The following MCCC1 variants were observed in gnomAD, a reference collection of about 807,000 sequenced individuals.
The protein encoded by MCCC1 is methylcrotonyl-CoA carboxylase subunit 1.
In MCCC1, 64 loss-of-function variants were observed where a neutral mutation model predicts 83.8. The ratio of observed to expected loss-of-function variants is 0.76; its 90% confidence interval spans 0.62 to 0.94. The LOEUF (loss-of-function observed/expected upper bound fraction) is 0.94. Among genes scored for constraint, MCCC1 ranks in the 40% least tolerant of loss-of-function variants. The pLI is 0.00. For synonymous variants in MCCC1, 322 were observed against 315.4 expected, an observed-to-expected ratio of 1.02 and a Z score of -0.22; for missense variants, 807 against 904.7, an observed-to-expected ratio of 0.89 and a Z score of 1.39.
chr3:183,114,144 A>C (rs994431883), intron 1 of MCCC1, among the ~76,000 whole-genome samples: 9 of 152,146 alleles, frequency 5.9e-5, no homozygotes, highest in African/African-American at 1.4e-4. Context: ...AGTGCCCAAG[A>C]ATTCGTCTGA....
chr3:183,025,953 T>C, intron 14 of MCCC1, 149 bp from the exon 15 acceptor site: 1 of 699,166 alleles, frequency 1.4e-6, no homozygotes, highest in South Asian at 1.8e-5. Context: ...AATAAAGTAT[T>C]TTGTTAGAAA....
intron 10 of MCCC1, among the ~76,000 whole-genome samples, chr3:183,042,710 T>C (rs1220989564): frequency 1.3e-5 from 2 of 152,212 alleles, no homozygotes; most frequent in Non-Finnish European, 1.5e-5. Context: ...TGCAGACAGA[T>C]TGCCTAGGTT....
At chr3:183,112,295 G>A (rs976053392) in intron 1 of MCCC1, among the ~76,000 whole-genome samples, 1 of 152,130 alleles carries the variant, frequency 6.6e-6, no homozygotes, top group Non-Finnish European at 1.5e-5. Context: ...ACATAACAAG[G>A]ACAGAAGGTA....
chr3:183,109,371 A>T (rs765525156), intron 1 of MCCC1, among the ~76,000 whole-genome samples: 13 of 152,176 alleles, frequency 8.5e-5, no homozygotes, highest in Non-Finnish European at 1.6e-4. Flanking sequence ...TGGTGAGCAT[A>T]GTACCTGATA....
intron 14 of MCCC1, among the ~76,000 whole-genome samples, chr3:183,030,305 G>A (rs1284919879): frequency 2.0e-5 from 3 of 152,122 alleles, no homozygotes; most frequent in African/African-American, 7.2e-5. Context: ...GAGAGACTCC[G>A]TCTCAAAACA....
rs888177293 is a variant in MCCC1 at position 183,088,204 on chromosome 3, T to TTGTTGTTGTTG, written c.274-1417_274-1416insCAACAACAACA. On this transcript the variant is annotated intron_variant, in intron 3 of 18. Transcript: ENST00000265594. ...AAATGTTTTGTTGTTGTTGTTGTTG[T>TTGTTGTTGTTG]TGTGTGTTTTTTTTTTTTTTTGAGG... 3.6e-3 allele frequency among the ~76,000 whole-genome samples: 532 copies of TTGTTGTTGTTG among 149,140 alleles called. 5 individuals carry two copies. The highest frequency in any genetic ancestry group is 0.012 in the African/African-American group (512 of 41,082).
At chr3:183,042,447 CTTTACTCT>C in intron 10 of MCCC1, among the ~76,000 whole-genome samples, 1 of 152,154 alleles carries the variant, frequency 6.6e-6, no homozygotes, top group Non-Finnish European at 1.5e-5. Context: ...CACTTTCTCT[CTTTACTCT>C]TAAGTTTTTT....
chr3:183,082,505 A>C (rs1259556134), intron 4 of MCCC1, among the ~76,000 whole-genome samples: 1 of 152,218 alleles, frequency 6.6e-6, no homozygotes, highest in Non-Finnish European at 1.5e-5. Flanking sequence ...GCCAGTGCTC[A>C]ACTCAAGAAT....
At chr3:183,108,508 A>G (rs570681117) in intron 1 of MCCC1, among the ~76,000 whole-genome samples, 4 of 152,172 alleles carry the variant, frequency 2.6e-5, no homozygotes, top group Non-Finnish European at 5.9e-5. Context: ...TCCGAGAGGT[A>G]GAATTGTGTT....
chr3:183,103,734 C>T (rs568316765), upstream of MCCC1, among the ~76,000 whole-genome samples: 30 of 152,348 alleles, frequency 2.0e-4, no homozygotes, highest in Admixed American at 9.1e-4. Flanking sequence ...GCCAGTCCCG[C>T]GCCGTGCGCC....
intron 3 of MCCC1, among the ~76,000 whole-genome samples, chr3:183,088,104 C>G (rs1718037186): frequency 6.6e-6 from 1 of 151,668 alleles, no homozygotes; most frequent in Non-Finnish European, 1.5e-5. Flanking sequence ...AAGCTGGGCA[C>G]AGATTTCAAA....
chr3:183,019,491 G>T (rs1212062334), intron 17 of MCCC1, among the ~76,000 whole-genome samples: 1 of 152,138 alleles, frequency 6.6e-6, no homozygotes, highest in Non-Finnish European at 1.5e-5. Flanking sequence ...AGGACACAGA[G>T]AAAAAATGGC....
intron 1 of MCCC1, among the ~76,000 whole-genome samples, chr3:183,113,121 G>A (rs1426793338): frequency 6.6e-6 from 1 of 151,494 alleles, no homozygotes; most frequent in Non-Finnish European, 1.5e-5. Flanking sequence ...CTACTCGGGA[G>A]GCTGAGGCAG....
At chr3:183,043,315 T>C (rs1465200095) in intron 10 of MCCC1, among the ~76,000 whole-genome samples, 1 of 152,216 alleles carries the variant, frequency 6.6e-6, no homozygotes, top group African/African-American at 2.4e-5. Flanking sequence ...TGTCTTTGCC[T>C]GTCCATTTTC....
exon 1 of MCCC1, chr3:183,115,749 G>A (rs1447030605): frequency 2.0e-5 from 3 of 152,262 alleles, no homozygotes; most frequent in Admixed American, 2.0e-4. Flanking sequence ...CTACTCGGGA[G>A]GCTGAGGTGG....
intron 1 of MCCC1, among the ~76,000 whole-genome samples, chr3:183,113,019 A>C (rs544565286): frequency 6.6e-6 from 1 of 152,164 alleles, no homozygotes; most frequent in East Asian, 1.9e-4. Context: ...AAGTCAAGAG[A>C]TCGAGACCAT....
At chr3:183,053,172 G>T (rs1715120766) in intron 8 of MCCC1, among the ~76,000 whole-genome samples, 1 of 152,006 alleles carries the variant, frequency 6.6e-6, no homozygotes, top group South Asian at 2.1e-4. Flanking sequence ...AACAGAAAAG[G>T]TTAAAAAGTT....
chr3:183,068,440 A>G (rs941858668), intron 7 of MCCC1, among the ~76,000 whole-genome samples: 5 of 152,194 alleles, frequency 3.3e-5, no homozygotes, highest in African/African-American at 1.2e-4. Flanking sequence ...AAGTTACCCT[A>G]TATGGTCTAA....
At chr3:183,085,127 G>A (rs1320481570) in intron 4 of MCCC1, among the ~76,000 whole-genome samples, 1 of 152,266 alleles carries the variant, frequency 6.6e-6, no homozygotes, top group South Asian at 2.1e-4. Context: ...AGGAGACAAC[G>A]AAGAATTTCT....
Sources: allele counts gnomAD v4.1 joint callset (sites outside exome capture counted in the v4.1 genomes callset), GRCh38; gene constraint gnomAD v4.1.1; transcripts MANE v1.5; gene names NCBI Gene and HGNC (gene_info 2026-07-23, HGNC 2026-07-21).